The following HTR2C variants were observed in gnomAD, a reference collection of about 807,000 sequenced individuals.
HTR2C encodes 5-hydroxytryptamine (serotonin) receptor 2C, G protein-coupled.
HTR2C carries 5 observed loss-of-function variants against 21.0 expected under a neutral mutation model. The observed-to-expected ratio is 0.24, with a 90% CI of 0.12 to 0.50. HTR2C has a LOEUF of 0.50. Ranked by LOEUF, HTR2C falls within the 20% of genes least tolerant of loss-of-function variation. HTR2C has a pLI of 0.98. For missense variants in HTR2C, 271 were observed against 371.2 expected, an observed-to-expected ratio of 0.73 and a Z score of 2.22; for synonymous variants, 150 against 145.3, an observed-to-expected ratio of 1.03 and a Z score of -0.23.
intron 5 of HTR2C, among the ~76,000 whole-genome samples, chrX:114,883,953 C>T (rs60097800): frequency 0.035 from 3,858 of 109,960 alleles, 175 homozygotes; most frequent in African/African-American, 0.12. Flanking sequence ...ACCTCTGGCA[C>T]GACTATTATA....
chrX:114,814,846 T>C (rs1486909099), intron 4 of HTR2C, among the ~76,000 whole-genome samples: 2 of 100,938 alleles, frequency 2.0e-5, no homozygotes, highest in African/African-American at 7.1e-5. Flanking sequence ...AGAATATATA[T>C]TATAATACTC....
intron 4 of HTR2C, among the ~76,000 whole-genome samples, chrX:114,784,310 A>G (rs1295096932): frequency 1.8e-5 from 2 of 111,929 alleles, no homozygotes; most frequent in African/African-American, 6.5e-5. Flanking sequence ...TATGCCCAAA[A>G]TTGAAAAGTT....
chrX:114,770,895 A>T (rs1262569304), intron 4 of HTR2C, among the ~76,000 whole-genome samples: 2 of 100,551 alleles, frequency 2.0e-5, no homozygotes, highest in Non-Finnish European at 3.9e-5. Flanking sequence ...TCCGCCTCCC[A>T]GGTTCAAGTG....
chrX:114,618,728 C>T (rs1294774328), intron 2 of HTR2C, among the ~76,000 whole-genome samples: 2 of 111,719 alleles, frequency 1.8e-5, no homozygotes, highest in Non-Finnish European at 3.8e-5. Flanking sequence ...TTGCATATTA[C>T]ATCATGTTTC....
chrX:114,725,516 C>T (rs782217028), intron 2 of HTR2C, among the ~76,000 whole-genome samples: 8 of 112,218 alleles, frequency 7.1e-5, no homozygotes, highest in East Asian at 5.6e-4. Context: ...TCTCTCAGCT[C>T]GTCAAAGTCA....
At chrX:114,681,554 T>A (rs1931747877) in intron 2 of HTR2C, among the ~76,000 whole-genome samples, 1 of 111,348 alleles carries the variant, frequency 9.0e-6, no homozygotes, top group Non-Finnish European at 1.9e-5. Flanking sequence ...AGACTCAAGT[T>A]ACAATTTGCA....
At chrX:114,814,680 G>A (rs1348367371) in intron 4 of HTR2C, among the ~76,000 whole-genome samples, 1 of 105,751 alleles carries the variant, frequency 9.5e-6, no homozygotes, top group East Asian at 2.9e-4. Context: ...ATTATTTACT[G>A]AAAGAAAACC....
chrX:114,619,626 C>A (rs955698225), intron 2 of HTR2C, among the ~76,000 whole-genome samples: 2 of 110,895 alleles, frequency 1.8e-5, no homozygotes, highest in Non-Finnish European at 3.8e-5. Flanking sequence ...ACCAGTACAC[C>A]ATTTAACTCC....
At chrX:114,630,790 C>A in intron 2 of HTR2C, 1 of 355,376 alleles carries the variant, frequency 2.8e-6, no homozygotes, top group Non-Finnish European at 5.5e-6. Context: ...CCCAGCTCTG[C>A]TGTCTACAGC....
intron 4 of HTR2C, among the ~76,000 whole-genome samples, chrX:114,835,601 A>C (rs1376818000): frequency 1.2e-4 from 13 of 110,763 alleles, no homozygotes; most frequent in Admixed American, 8.7e-4. Flanking sequence ...CTAGTTATAC[A>C]TTCTTCTAAA....
intron 5 of HTR2C, among the ~76,000 whole-genome samples, chrX:114,866,137 T>G (rs1305923253): frequency 9.0e-6 from 1 of 111,609 alleles, no homozygotes; most frequent in African/African-American, 3.3e-5. Flanking sequence ...TTTTAAAATA[T>G]TTTCATTGTC....
chrX:114,724,454 C>G (rs1294856803), intron 2 of HTR2C, among the ~76,000 whole-genome samples: 1 of 100,005 alleles, frequency 1.0e-5, no homozygotes, highest in African/African-American at 3.6e-5. Context: ...ACTGATGGGT[C>G]TTGACTCTTT....
chrX:114,674,592 C>T lies in HTR2C; in HGVS notation c.-79-52266C>T, dbSNP rs140674801. 2.2e-3 allele frequency among the ~76,000 whole-genome samples: 242 copies of T among 111,379 alleles called. 1 individual carries two copies. The highest frequency in any genetic ancestry group is 7.3e-3 in the African/African-American group (223 of 30,702). On this transcript the variant is annotated intron_variant, in intron 2 of 5. Transcript: ENST00000276198. ...ACTTTGAAACATTATAATTATGATA[C>T]GTAATCAGGGCCAATCAATGCCCTT... is the stretch of plus-strand genomic sequence containing the variant.
intron 2 of HTR2C, among the ~76,000 whole-genome samples, chrX:114,628,266 T>A (rs782112755): frequency 3.5e-3 from 392 of 110,707 alleles, no homozygotes; most frequent in African/African-American, 0.012. Context: ...TGAGATGGAG[T>A]CTCACTCTGT....
At chrX:114,792,524 T>C (rs2070244319) in intron 4 of HTR2C, among the ~76,000 whole-genome samples, 1 of 111,844 alleles carries the variant, frequency 8.9e-6, no homozygotes, top group Non-Finnish European at 1.9e-5. Flanking sequence ...CAATCATTGA[T>C]GGGCATTTGG....
intron 5 of HTR2C, 116 bp downstream of exon 5, chrX:114,848,319 TTTTA>T (rs2147489453): frequency 2.3e-6 from 1 of 444,293 alleles, no homozygotes; most frequent in African/African-American, 2.5e-5. Context: ...GATCGGGTTC[TTTTA>T]TTTAGTAATT....
intron 5 of HTR2C, among the ~76,000 whole-genome samples, chrX:114,857,363 C>T (rs1218865514): frequency 9.0e-6 from 1 of 111,174 alleles, no homozygotes. Context: ...AGCTCATGTT[C>T]CATATAAAAT....
At chrX:114,666,288 A>G (rs1556410879) in intron 2 of HTR2C, among the ~76,000 whole-genome samples, 1 of 112,198 alleles carries the variant, frequency 8.9e-6, no homozygotes, top group African/African-American at 3.2e-5. Context: ...TGGAATAAAT[A>G]CAGCTAACCA....
At chrX:114,651,048 T>C (rs1364577146) in intron 2 of HTR2C, among the ~76,000 whole-genome samples, 1 of 112,070 alleles carries the variant, frequency 8.9e-6, no homozygotes, top group African/African-American at 3.2e-5. Context: ...TCCGTTAGTA[T>C]TTTACATGAT....
Sources: allele counts gnomAD v4.1 joint callset (sites outside exome capture counted in the v4.1 genomes callset), GRCh38; gene constraint gnomAD v4.1.1; transcripts MANE v1.5; gene names NCBI Gene and HGNC (gene_info 2026-07-23, HGNC 2026-07-21).